HEG1: variants seen among roughly 807,000 people sequenced by gnomAD.
HEG1 encodes the protein protein HEG homolog 1.
In HEG1, 56 loss-of-function variants were observed where a neutral mutation model predicts 125.6. The observed-to-expected ratio is 0.45, with a 90% CI of 0.36 to 0.56. The LOEUF (loss-of-function observed/expected upper bound fraction) is 0.56, where lower values mean the gene tolerates loss of function less well. Ranked by LOEUF, HEG1 falls within the 20% of genes least tolerant of loss-of-function variation. The probability of loss-of-function intolerance (pLI) is 0.00; values close to 1 mark genes in which losing one functional copy is unlikely to be tolerated. For synonymous variants in HEG1, 644 were observed against 668.5 expected (o/e 0.96, Z 0.57); for missense variants, 1,523 against 1,670.0 (o/e 0.91, Z 1.53).
intron 12 of HEG1, among the ~76,000 whole-genome samples, chr3:124,995,756 C>T (rs1369931360): frequency 6.6e-6 from 1 of 152,214 alleles, no homozygotes; most frequent in African/African-American, 2.4e-5. Flanking sequence ...TCAAGGTTTC[C>T]TTATGCTGCT....
rs373337678 is a variant in HEG1, at chr3:125,020,945, T to C, written c.1099A>G (p.Thr367Ala). ...GAAAGAAGGACTGAGGATGAAGTCG[T>C]GGCAATTCTGGAGTCCTTGGGGAAG... ...EGFPKDSRIA[T>A]TSSSVLLSPS... Residue 367 changes from threonine (T) to alanine (A), a missense_variant, in exon 4 of 17, where the codon ACG becomes GCG. By Grantham distance (58) the Thr-to-Ala change is moderately conservative (BLOSUM62 0). Transcript: ENST00000311127. 3.1e-5 allele frequency: 50 copies of C among 1,613,914 alleles called. No individual in the cohort carries two copies. In the African/African-American group the frequency reaches 5.3e-4, roughly 17 times the overall value.
rs1245466148 is a variant in HEG1, at chr3:125,021,136, A to G, written c.914-6T>C. On this transcript the variant is annotated splice_region_variant and splice_polypyrimidine_tract_variant and intron_variant, in intron 3 of 16. Coordinates refer to ENST00000311127, the MANE Select transcript of HEG1 (RefSeq NM_020733.2). ...CTTCTCTGTACTTTCAGAAGCTACA[A>G]TGGAAAAAGATATGCTTCAAAATTA... 5.2e-6 allele frequency: 8 copies of G among 1,535,974 alleles called. No homozygotes were observed. In the East Asian group the frequency reaches 7.3e-5, roughly 14 times the overall value.
chr3:124,977,751 T>C (rs879019102), intron 15 of HEG1, 108 bp downstream of exon 15: 2 of 602,604 alleles, frequency 3.3e-6, no homozygotes, highest in South Asian at 6.2e-5. Flanking sequence ...TCACACATTA[T>C]GGTTTAATAT....
At chr3:125,046,214 T>C (rs890179107) in intron 1 of HEG1, among the ~76,000 whole-genome samples, 1 of 152,078 alleles carries the variant, frequency 6.6e-6, no homozygotes. Context: ...AAAGCATGAC[T>C]GTACTAGAAA....
chr3:125,014,379 A>AGGC (rs1185525246), intron 5 of HEG1, among the ~76,000 whole-genome samples: 4 of 152,220 alleles, frequency 2.6e-5, no homozygotes, highest in African/African-American at 9.6e-5. Flanking sequence ...TGCCTAAATG[A>AGGC]AAAAAGGAAA....
chr3:124,994,461 T>C (rs1049072853), intron 12 of HEG1, among the ~76,000 whole-genome samples: 2 of 152,184 alleles, frequency 1.3e-5, no homozygotes, highest in Admixed American at 6.5e-5. Flanking sequence ...CACAAGTGAA[T>C]TCAAGTCTTC....
intron 14 of HEG1, among the ~76,000 whole-genome samples, chr3:124,984,942 CATT>C (rs1560016848): frequency 6.6e-6 from 1 of 152,036 alleles, no homozygotes; most frequent in Admixed American, 6.6e-5. Context: ...TCAAACGTAA[CATT>C]ATAAAATTAC....
chr3:125,037,178 A>G (rs917496792), intron 1 of HEG1, among the ~76,000 whole-genome samples: 4 of 152,232 alleles, frequency 2.6e-5, no homozygotes, highest in Admixed American at 6.5e-5. Flanking sequence ...GCAAACATAA[A>G]TTATAAAATA....
intron 5 of HEG1, among the ~76,000 whole-genome samples, chr3:125,014,324 C>A (rs975643356): frequency 3.3e-4 from 50 of 152,138 alleles, no homozygotes; most frequent in African/African-American, 1.2e-3. Context: ...TAAAAGCAAA[C>A]TGGTATCTGA....
chr3:124,984,177 G>T (rs73201547), intron 14 of HEG1, among the ~76,000 whole-genome samples: 3,072 of 152,260 alleles, frequency 0.02, 53 homozygotes, highest in Non-Finnish European at 0.034. Flanking sequence ...CAGACCGTGG[G>T]TTGGGCTGGG....
chr3:125,014,052 C>T (rs1937205852), intron 5 of HEG1, 62 bp from the exon 6 acceptor site: 4 of 1,385,370 alleles, frequency 2.9e-6, no homozygotes, highest in Middle Eastern at 1.9e-4. Flanking sequence ...GAAATATGCA[C>T]TATCAAACAG....
At chr3:125,039,025 T>C (rs943024114) in intron 1 of HEG1, among the ~76,000 whole-genome samples, 7 of 152,190 alleles carry the variant, frequency 4.6e-5, no homozygotes, top group African/African-American at 1.7e-4. Flanking sequence ...CCTCCTCATA[T>C]TGGAGATTAG....
At chr3:125,014,111 C>A in intron 5 of HEG1, 121 bp from the exon 6 acceptor site, 2 of 934,038 alleles carry the variant, frequency 2.1e-6, no homozygotes, top group Non-Finnish European at 3.1e-6. Context: ...GAAACACTTG[C>A]TTTGGAGAGG....
intron 14 of HEG1, among the ~76,000 whole-genome samples, chr3:124,981,380 G>A (rs925790411): frequency 7.9e-5 from 12 of 151,936 alleles, no homozygotes; most frequent in African/African-American, 2.9e-4. Flanking sequence ...ACATTTCTAA[G>A]TGCTCACTCT....
At position 125,005,335 on chromosome 3, in the gene HEG1, C is replaced by A. The variant is rs767282238; in HGVS notation, c.3227G>T (p.Arg1076Ile). The change falls in exon 9 of 17, where the codon AGA (arginine) becomes ATA (isoleucine). Residue 1076 changes from arginine (R) to isoleucine (I), a missense_variant. Physicochemically the swap from Arg to Ile is moderately conservative, Grantham distance 97 (BLOSUM62 -3). Coordinates refer to ENST00000311127, the MANE Select transcript of HEG1 (RefSeq NM_020733.2). ...RTFVTEFKLK[R>I]TFLNTTVEKH... is the part of the protein sequence containing the mutation. ...TTCCACAGTTGTATTAAGAAAAGTTCTCTTTAATTTAAACTCTGTCACGAA... is the reference window on the plus strand; with the variant it reads ...TTCCACAGTTGTATTAAGAAAAGTTATCTTTAATTTAAACTCTGTCACGAA... 42 of 1,589,638 alleles carry A rather than the reference C, an allele frequency of 2.6e-5. No homozygotes were observed. The East Asian group carries it at 9.4e-4, about 36-fold the overall frequency.
Position 124,990,929 on chromosome 3 carries a change from C to T in HEG1, c.3695+15G>A, listed in dbSNP as rs1337428699. The T allele has an allele frequency of 1.3e-6, 2 of 1,556,574 alleles. No individual in the cohort carries two copies. The highest frequency in any genetic ancestry group is 1.9e-5 in the Admixed American group (1 of 51,444). ...GATTTGTAACAAAATTAGACTAAAT[C>T]AACATGGAGCCTACCTCATGCAGGT... On this transcript the variant is annotated intron_variant, in intron 13 of 16. Coordinates refer to ENST00000311127, the MANE Select transcript of HEG1 (RefSeq NM_020733.2).
intron 9 of HEG1, among the ~76,000 whole-genome samples, chr3:125,002,571 C>G (rs1441262364): frequency 6.6e-6 from 1 of 152,184 alleles, no homozygotes; most frequent in Non-Finnish European, 1.5e-5. Context: ...CAGAATAGCA[C>G]CCTTGGATGC....
chr3:125,027,067 C>T, intron 3 of HEG1, 138 bp downstream of exon 3: 1 of 709,268 alleles, frequency 1.4e-6, no homozygotes, highest in Non-Finnish European at 2.3e-6. Context: ...AAGTACCTGG[C>T]ATTAGAGGAA....
At chr3:125,026,575 G>A (rs1295430443) in intron 3 of HEG1, among the ~76,000 whole-genome samples, 2 of 152,092 alleles carry the variant, frequency 1.3e-5, no homozygotes, top group Non-Finnish European at 2.9e-5. Flanking sequence ...CTAGAAAAAT[G>A]TACACTCATG....
Sources: allele counts gnomAD v4.1 joint callset (sites outside exome capture counted in the v4.1 genomes callset), GRCh38; gene constraint gnomAD v4.1.1; transcripts MANE v1.5; gene names NCBI Gene and HGNC (gene_info 2026-07-23, HGNC 2026-07-21).